Variants in SORL1 observed in about 807,000 individuals in gnomAD.
SORL1 encodes the protein sortilin-related receptor.
In SORL1, 127 loss-of-function variants were observed where a neutral mutation model predicts 273.7. The ratio of observed to expected loss-of-function variants is 0.46; its 90% confidence interval spans 0.40 to 0.54. The LOEUF is 0.54. SORL1 is among the 20% of genes least tolerant of loss of function. The pLI is 0.00. For synonymous variants in SORL1, 1,031 were observed against 1,067.4 expected, an observed-to-expected ratio of 0.97 and a Z score of 0.66; for missense variants, 2,494 against 2,846.1, an observed-to-expected ratio of 0.88 and a Z score of 2.81.
At chr11:121,536,093 G>A (rs1862263066) in intron 12 of SORL1, among the ~76,000 whole-genome samples, 1 of 152,182 alleles carries the variant, frequency 6.6e-6, no homozygotes, top group Non-Finnish European at 1.5e-5. Flanking sequence ...TTGCTTGTCA[G>A]CATGATGATA....
chr11:121,590,342 T>A, intron 30 of SORL1, 168 bp downstream of exon 30: 1 of 649,084 alleles, frequency 1.5e-6, no homozygotes, highest in Non-Finnish European at 2.6e-6. Flanking sequence ...GAAATAAGTG[T>A]GGTTGGTTTC....
intron 5 of SORL1, among the ~76,000 whole-genome samples, chr11:121,495,706 C>T (rs986809435): frequency 2.0e-5 from 3 of 152,300 alleles, no homozygotes; most frequent in East Asian, 1.9e-4. Context: ...ATAAGTTGTC[C>T]TCTGAGCTGC....
Position 121,505,514 on chromosome 11 carries a change from G to A in SORL1, c.940-7489G>A, listed in dbSNP as rs754859723. On this transcript the variant is annotated intron_variant, in intron 6 of 47. Transcript: ENST00000260197. Reference sequence around the variant, plus strand: ...TGCTTTGGGCTTAGTTTGCCCTTATGTTTCTATGTTCTTAAGGTGGATAGT... The same window carrying A: ...TGCTTTGGGCTTAGTTTGCCCTTATATTTCTATGTTCTTAAGGTGGATAGT... Among the ~76,000 whole-genome samples, 9 of 151,218 alleles carry A rather than the reference G, an allele frequency of 6.0e-5. No homozygotes were observed. In the East Asian group the frequency reaches 1.2e-3, roughly 19 times the overall value.
At position 121,577,363 on chromosome 11, in the gene SORL1, C is replaced by T. The variant is rs777714753; in HGVS notation, c.3543C>T (p.Asn1181=). The change falls in exon 25 of 48, where the codon AAC becomes AAT. Residue 1181 remains asparagine, a synonymous_variant. Transcript: ENST00000260197. ...CCTCCTGGGTATGTGACGGGGACAA[C>T]GACTGCAGGGACTGGTCTGATGAAG... ...IRSSWVCDGD[N]DCRDWSDEAN... The T allele has an allele frequency of 2.5e-5, 41 of 1,613,046 alleles. No individual in the cohort carries two copies. The highest frequency in any genetic ancestry group is 6.7e-5 in the Admixed American group (4 of 59,810).
In SORL1 at chr11:121,627,690, G is replaced by T; in HGVS notation, c.6500G>T (p.Ser2167Ile). The stretch of plus-strand genomic sequence containing the variant: ...TACACGAAGCACCGGAGGCTGCAGA[G>T]CAGCTTCACCGCCTTCGCCAACAGC... ...ILYTKHRRLQ[S>I]SFTAFANSHY... The change falls in exon 47 of 48, where the codon AGC becomes ATC. Residue 2167 changes from serine (S) to isoleucine (I), a missense_variant. Ser to Ile is a moderately radical substitution (Grantham distance 142). Transcript: ENST00000260197. This position sits in a 1 kb window ranked among gnomAD's most constrained non-coding sequence, Gnocchi z 4.9. 1 of 1,614,208 alleles carries T rather than the reference G, an allele frequency of 6.2e-7. No individual in the cohort carries two copies. The highest frequency in any genetic ancestry group is 8.5e-7 in the Non-Finnish European group (1 of 1,180,040).
chr11:121,537,567 C>A (rs1261982701), intron 12 of SORL1, among the ~76,000 whole-genome samples: 3 of 152,160 alleles, frequency 2.0e-5, no homozygotes, highest in Non-Finnish European at 4.4e-5. Context: ...GGGGCGATGT[C>A]CAGCAGGAAT....
chr11:121,483,000 G>A (rs117897351), intron 3 of SORL1, among the ~76,000 whole-genome samples: 215 of 152,362 alleles, frequency 1.4e-3, no homozygotes, highest in Non-Finnish European at 1.7e-3. Context: ...CCATTGTGCA[G>A]TGCTGGCCAC....
chr11:121,526,306 A>G (rs1862123474), intron 11 of SORL1, among the ~76,000 whole-genome samples: 1 of 152,134 alleles, frequency 6.6e-6, no homozygotes, highest in Non-Finnish European at 1.5e-5. Context: ...TCAGGTCTTT[A>G]TTCTGTCCCA....
chr11:121,592,490 C>T (rs764480784), intron 31 of SORL1, among the ~76,000 whole-genome samples: 18 of 152,214 alleles, frequency 1.2e-4, no homozygotes, highest in Non-Finnish European at 2.4e-4. Flanking sequence ...ACCTCTGTGG[C>T]GCTTTCACTG....
At chr11:121,522,278 A>T (rs1293634383) in intron 9 of SORL1, among the ~76,000 whole-genome samples, 2 of 152,208 alleles carry the variant, frequency 1.3e-5, no homozygotes, top group East Asian at 3.9e-4. Flanking sequence ...TCTCTGAGTG[A>T]TAGGATGAGA....
chr11:121,604,768 C>T (rs890618427), intron 33 of SORL1, among the ~76,000 whole-genome samples: 5 of 151,986 alleles, frequency 3.3e-5, no homozygotes, highest in Admixed American at 6.6e-5. Context: ...ATATCACGAC[C>T]GGAAAAGTAG....
intron 1 of SORL1, among the ~76,000 whole-genome samples, chr11:121,464,379 C>T (rs1861051724): frequency 6.6e-6 from 1 of 152,208 alleles, no homozygotes; most frequent in South Asian, 2.1e-4. Flanking sequence ...CAGAAGTGCT[C>T]TGTGTGAGCT....
intron 43 of SORL1, 128 bp downstream of exon 43, chr11:121,620,045 C>T (rs995098123): frequency 3.8e-5 from 28 of 735,574 alleles, no homozygotes; most frequent in Admixed American, 3.3e-4. Context: ...CAGGAGGTCT[C>T]TCTCCCATTT....
chr11:121,610,917 A>G (rs1863553081), intron 38 of SORL1, 159 bp from the exon 39 acceptor site: 1 of 577,852 alleles, frequency 1.7e-6, no homozygotes. Flanking sequence ...CTTCAGGAAA[A>G]CAGTGGTAAA....
intron 12 of SORL1, among the ~76,000 whole-genome samples, chr11:121,533,234 C>T (rs1046235287): frequency 4.0e-5 from 6 of 151,808 alleles, no homozygotes; most frequent in East Asian, 1.9e-4. Flanking sequence ...ACTTTTGGTG[C>T]GTTAGGTTGG....
chr11:121,467,434 A>C (rs189438400), intron 1 of SORL1, among the ~76,000 whole-genome samples: 1 of 152,310 alleles, frequency 6.6e-6, no homozygotes, highest in Admixed American at 6.5e-5. Context: ...TCAAAGCATT[A>C]TCTGAGTGTT....
intron 7 of SORL1, 116 bp from the exon 8 acceptor site, chr11:121,514,036 T>G: frequency 1.7e-6 from 2 of 1,200,898 alleles, no homozygotes; most frequent in Non-Finnish European, 1.2e-6. Flanking sequence ...TCCCGTGGGC[T>G]TTAGGCCAAC....
At position 121,517,551 on chromosome 11, in the gene SORL1, A is replaced by G. The variant is rs115412488; in HGVS notation, c.1212-3106A>G. The stretch of plus-strand genomic sequence containing the variant: ...TTGAAAGCCCCTGGCTGTGGAATGG[A>G]AAAGTCACAGCTTGCTAAATATTTT... On this transcript the variant is annotated intron_variant, in intron 8 of 47. Coordinates refer to ENST00000260197, the MANE Select transcript of SORL1 (RefSeq NM_003105.6). Among the ~76,000 whole-genome samples the G allele has an allele frequency of 4.0e-3, 602 of 152,272 alleles. 5 individuals carry two copies. Among genetic ancestry groups the G allele is most frequent in the African/African-American group, 0.013 (560 of 41,566 alleles).
chr11:121,500,566 G>T (rs1177146423), intron 6 of SORL1, among the ~76,000 whole-genome samples: 1 of 152,184 alleles, frequency 6.6e-6, no homozygotes, highest in Non-Finnish European at 1.5e-5. Flanking sequence ...GAGTTGCATA[G>T]GTACCTATAC....
Sources: gnomAD v4.1 joint callset for allele counts (sites outside exome capture counted in the v4.1 genomes callset) on GRCh38, gnomAD v4.1.1 for gene constraint, Gnocchi (gnomAD v3.1) non-coding constraint, MANE v1.5 for transcripts, NCBI Gene and HGNC (gene_info 2026-07-23, HGNC 2026-07-21) for gene names.